The following SPIN1 variants were observed in gnomAD, a reference collection of about 807,000 sequenced individuals.
The protein encoded by SPIN1 is spindlin-1.
Under a neutral mutation model 26.0 loss-of-function variants are expected in SPIN1, and 3 were observed. The observed-to-expected ratio is 0.12, with a 90% CI of 0.05 to 0.30. SPIN1 has a LOEUF of 0.30. SPIN1 is among the 10% of genes least tolerant of loss of function. The pLI, the probability that SPIN1 is intolerant of heterozygous loss-of-function variation, is 1.00. For synonymous variants in SPIN1, 101 were observed against 116.5 expected, an observed-to-expected ratio of 0.87 and a Z score of 0.86; for missense variants, 126 against 333.4, an observed-to-expected ratio of 0.38 and a Z score of 4.84.
At chr9:88,455,935 A>T (rs1828462223) in intron 3 of SPIN1, among the ~76,000 whole-genome samples, 1 of 152,224 alleles carries the variant, frequency 6.6e-6, no homozygotes, top group Non-Finnish European at 1.5e-5. Flanking sequence ...TTGGGCAACA[A>T]AGCAAGACCC....
intron 2 of SPIN1, among the ~76,000 whole-genome samples, chr9:88,430,306 T>C (rs2118040648): frequency 6.6e-6 from 1 of 152,302 alleles, no homozygotes; most frequent in Middle Eastern, 3.4e-3. Context: ...GGCATCTCTT[T>C]TCTTATGGGG....
chr9:88,415,087 G>A (rs924817759), intron 1 of SPIN1, among the ~76,000 whole-genome samples: 6 of 151,908 alleles, frequency 3.9e-5, no homozygotes, highest in African/African-American at 1.5e-4. Flanking sequence ...TGTATTTTTA[G>A]TAGAGATGGG....
chr9:88,430,732 G>A (rs1827851364), intron 2 of SPIN1, among the ~76,000 whole-genome samples: 1 of 152,166 alleles, frequency 6.6e-6, no homozygotes, highest in Non-Finnish European at 1.5e-5. Flanking sequence ...TTAACTGGTT[G>A]CTAAGTAGCA....
intron 3 of SPIN1, among the ~76,000 whole-genome samples, chr9:88,457,392 G>A (rs1587811031): frequency 6.6e-6 from 1 of 152,054 alleles, no homozygotes; most frequent in African/African-American, 2.4e-5. Context: ...AGCCGGGTGT[G>A]GTGGTGCACA....
intron 5 of SPIN1, 120 bp from the exon 6 acceptor site, chr9:88,474,958 C>A: frequency 1.1e-6 from 1 of 944,942 alleles, no homozygotes; most frequent in Non-Finnish European, 1.5e-6. Flanking sequence ...ATCATGAATT[C>A]AGGCTATTAA....
rs1828898758 is a variant in SPIN1 at position 88,476,857 on chromosome 9, C to G, written c.*1580C>G. The stretch of plus-strand genomic sequence containing the variant: ...GCAGAGCCTAAACGTGCATGCTTGT[C>G]ACTCAAACACCAGAAGTTTGAATCA... On this transcript the variant is annotated 3_prime_UTR_variant, in exon 6 of 6. Coordinates refer to ENST00000375859, the MANE Select transcript of SPIN1 (RefSeq NM_006717.3). The G allele has an allele frequency of 6.6e-6, 1 of 152,184 alleles. No individual in the cohort carries two copies. The highest frequency in any genetic ancestry group is 1.5e-5 in the Non-Finnish European group (1 of 68,030). The allele number at this position is 152,184 out of a possible 1,614,324, so 9.4% of individuals were successfully genotyped here.
intron 3 of SPIN1, among the ~76,000 whole-genome samples, chr9:88,452,726 G>A (rs1322096532): frequency 1.3e-5 from 2 of 152,210 alleles, no homozygotes; most frequent in African/African-American, 4.8e-5. Context: ...GGAAGTGACA[G>A]TACTTGGCAT....
In SPIN1 at chr9:88,468,360, TTTA is replaced by T; in HGVS notation, c.356-11_356-9del. 1 of 1,505,088 alleles carries T rather than the reference TTTA, an allele frequency of 6.6e-7. No homozygotes were observed. The highest frequency in any genetic ancestry group is 8.9e-7 in the Non-Finnish European group (1 of 1,125,518). 93.2% of individuals were successfully genotyped at this position (1,505,088 alleles called of 1,614,324 possible). ...ACTTTGTCAACTTTTTTTTTTTTTTTTTAATCCCCAGCGACATCTCGAATCAGC... is the reference window on the plus strand; with the variant it reads ...ACTTTGTCAACTTTTTTTTTTTTTTTATCCCCAGCGACATCTCGAATCAGC... On this transcript the variant is annotated splice_polypyrimidine_tract_variant and intron_variant, in intron 4 of 5. Transcript: ENST00000375859.
intron 1 of SPIN1, among the ~76,000 whole-genome samples, chr9:88,392,827 G>A (rs932045141): frequency 6.6e-6 from 1 of 152,140 alleles, no homozygotes; most frequent in African/African-American, 2.4e-5. Flanking sequence ...TGTCACCACT[G>A]CCTACACCAC....
At position 88,394,808 on chromosome 9, in the gene SPIN1, ATTTTTTTTT is replaced by A. The variant is rs397952642; in HGVS notation, c.-159+6281_-159+6289del. 8.8e-5 allele frequency among the ~76,000 whole-genome samples: 10 copies of A among 114,068 alleles called. No individual in the cohort carries two copies. In the East Asian group the frequency reaches 2.2e-3, roughly 25 times the overall value. The allele number at this position is 114,068 out of a possible 152,430, so 74.8% of individuals were successfully genotyped here. A position where few individuals can be genotyped will look rare whatever the true frequency, so the allele number is the denominator to read the frequency against. On this transcript the variant is annotated intron_variant, in intron 1 of 5. Coordinates refer to ENST00000375859, the MANE Select transcript of SPIN1 (RefSeq NM_006717.3). Reference sequence around the variant, plus strand: ...ATTGCTTTAGTTTTTTATTTAATGTATTTTTTTTTTTTTTTTTTTGAGACAGAGTCTCGC... The same window carrying A: ...ATTGCTTTAGTTTTTTATTTAATGTATTTTTTTTTTGAGACAGAGTCTCGC...
At chr9:88,470,594 C>T (rs557824279) in intron 5 of SPIN1, among the ~76,000 whole-genome samples, 2 of 127,720 alleles carry the variant, frequency 1.6e-5, no homozygotes, top group Non-Finnish European at 3.0e-5. Flanking sequence ...GCTTATTGGC[C>T]CCCCCCCTTT....
rs111963419 is a variant in SPIN1 at position 88,408,482 on chromosome 9, G to C, written c.-158-17900G>C. ...AACCTCCGCCTCCTGGGTTTAAGCA[G>C]TTCTCTGCCACAACCTGCCAAGTAG... On this transcript the variant is annotated intron_variant, in intron 1 of 5. Transcript: ENST00000375859. Among the ~76,000 whole-genome samples, 4 of 147,800 alleles carry C rather than the reference G, an allele frequency of 2.7e-5. No individual in the cohort carries two copies. The East Asian group carries it at 8.2e-4, about 30-fold the overall frequency.
chr9:88,464,746 T>A (rs535611470), intron 4 of SPIN1, among the ~76,000 whole-genome samples: 1 of 152,324 alleles, frequency 6.6e-6, no homozygotes, highest in Admixed American at 6.5e-5. Context: ...TAACTACTTT[T>A]TTTTTAATTG....
chr9:88,439,404 T>C lies in SPIN1; in HGVS notation c.53-9537T>C, dbSNP rs527806854. 4.6e-5 allele frequency among the ~76,000 whole-genome samples: 7 copies of C among 152,332 alleles called. No individual in the cohort carries two copies. The South Asian group carries it at 1.5e-3, about 32-fold the overall frequency. ...TTCAATGAGTATAAACTTTGTTTCATGCACAAAATTATTTAAAATATTACA... is the reference window on the plus strand; with the variant it reads ...TTCAATGAGTATAAACTTTGTTTCACGCACAAAATTATTTAAAATATTACA... On this transcript the variant is annotated intron_variant, in intron 2 of 5. Coordinates refer to ENST00000375859, the MANE Select transcript of SPIN1 (RefSeq NM_006717.3).
intron 5 of SPIN1, among the ~76,000 whole-genome samples, chr9:88,471,282 G>T (rs1331510083): frequency 6.6e-6 from 1 of 151,610 alleles, no homozygotes; most frequent in Admixed American, 6.6e-5. Context: ...TCAAGTTAAG[G>T]GTCCAACTTC....
intron 2 of SPIN1, among the ~76,000 whole-genome samples, chr9:88,448,147 G>A (rs143134341): frequency 1.3e-5 from 2 of 151,478 alleles, no homozygotes; most frequent in African/African-American, 4.9e-5. Flanking sequence ...GGGTTTAAGC[G>A]ATCTTCCCAC....
intron 2 of SPIN1, among the ~76,000 whole-genome samples, chr9:88,433,238 C>T (rs568414797): frequency 6.6e-6 from 1 of 152,134 alleles, no homozygotes; most frequent in Admixed American, 6.5e-5. Context: ...AGTGCCACCA[C>T]GCCCTGCTAA....
In SPIN1 at chr9:88,462,761, T is replaced by A; in HGVS notation, c.355+12T>A. 6.3e-7 allele frequency: 1 copy of A among 1,593,588 alleles called. No homozygotes were observed. Among genetic ancestry groups the A allele is most frequent in the Non-Finnish European group, 8.5e-7 (1 of 1,171,188 alleles). ...CCCTGATAGAGTTGGTAAGTTCTTTTTATAATTTGTGCATTATATACTTTA... is the reference window on the plus strand; with the variant it reads ...CCCTGATAGAGTTGGTAAGTTCTTTATATAATTTGTGCATTATATACTTTA... On this transcript the variant is annotated intron_variant, in intron 4 of 5. Transcript: ENST00000375859.
intron 3 of SPIN1, among the ~76,000 whole-genome samples, chr9:88,460,929 ATAG>A (rs1239904813): frequency 3.3e-5 from 5 of 152,314 alleles, no homozygotes; most frequent in African/African-American, 9.6e-5. Flanking sequence ...TCAGTGTTAG[ATAG>A]TAGTTTTCAT....
Sources: gnomAD v4.1 joint callset for allele counts (sites outside exome capture counted in the v4.1 genomes callset) on GRCh38, gnomAD v4.1.1 for gene constraint, MANE v1.5 for transcripts, NCBI Gene and HGNC (gene_info 2026-07-23, HGNC 2026-07-21) for gene names.